The following S100A10 variants were observed in gnomAD, a reference collection of about 807,000 sequenced individuals.
S100A10 encodes the protein protein S100-A10.
S100A10 carries 3 observed loss-of-function variants against 7.1 expected under a neutral mutation model. The observed-to-expected ratio is 0.42, with a 90% confidence interval of 0.19 to 1.10. The LOEUF (loss-of-function observed/expected upper bound fraction) is 1.10, where lower values mean the gene tolerates loss of function less well. S100A10 is among the 50% of genes least tolerant of loss of function. S100A10 has a pLI of 0.29. For missense variants in S100A10, 101 were observed against 118.1 expected, an observed-to-expected ratio of 0.86 and a Z score of 0.67; for synonymous variants, 41 against 39.3, an observed-to-expected ratio of 1.04 and a Z score of -0.16.
chr1:151,986,355 A>C lies in S100A10; in HGVS notation c.-21-104T>G, dbSNP rs887096213. ...TTGAAAGATAAAATTGTATGTATTT[A>C]ATGTGTACAACATGATGTTTTCAGG... On this transcript the variant is annotated intron_variant, in intron 1 of 2. Coordinates refer to ENST00000368811, the MANE Select transcript of S100A10 (RefSeq NM_002966.3). 14 of 820,612 alleles carry C rather than the reference A, an allele frequency of 1.7e-5. No homozygotes were observed. The African/African-American group carries it at 2.0e-4, about 12-fold the overall frequency. 50.8% of individuals were successfully genotyped at this position (820,612 alleles called of 1,614,324 possible). A position where few individuals can be genotyped will look rare whatever the true frequency, so the allele number is the denominator to read the frequency against.
chr1:151,991,951 G>A (rs113467633), intron 1 of S100A10, among the ~76,000 whole-genome samples: 1 of 151,990 alleles, frequency 6.6e-6, no homozygotes, highest in African/African-American at 2.4e-5. Flanking sequence ...CAGAAAGCAG[G>A]GTAAGACCCA....
chr1:151,985,326 T>C (rs1454156394), intron 2 of S100A10: 1 of 152,208 alleles, frequency 6.6e-6, no homozygotes, highest in Non-Finnish European at 1.5e-5. Context: ...AACAGCCACC[T>C]CTCGAGAACC....
At chr1:151,985,031 A>G (rs1337237786) in intron 2 of S100A10, 2 of 152,548 alleles carry the variant, frequency 1.3e-5, no homozygotes, top group African/African-American at 4.8e-5. Flanking sequence ...ATATCTGTTT[A>G]TTTAACTGAT....
intron 1 of S100A10, among the ~76,000 whole-genome samples, chr1:151,987,122 C>T (rs549593255): frequency 2.1e-5 from 3 of 144,774 alleles, no homozygotes; most frequent in East Asian, 2.1e-4. Context: ...CTGCAACCTC[C>T]GCCTCCCAGG....
At position 151,993,465 on chromosome 1, in the gene S100A10, A is replaced by G. The variant is rs966736234; in HGVS notation, c.-22+287T>C. 5.9e-5 allele frequency among the ~76,000 whole-genome samples: 9 copies of G among 152,124 alleles called. No individual in the cohort carries two copies. The highest frequency in any genetic ancestry group is 1.9e-4 in the African/African-American group (8 of 41,428). On this transcript the variant is annotated intron_variant, in intron 1 of 2. Transcript: ENST00000368811. This position sits in a 1 kb window ranked among gnomAD's most constrained non-coding sequence, Gnocchi z 5.1. ...CAACGCAAACATAAAGGGAGGAGGGAAGAGGTTCAGGCGCACCAATACCAC... is the reference window on the plus strand; with the variant it reads ...CAACGCAAACATAAAGGGAGGAGGGGAGAGGTTCAGGCGCACCAATACCAC...
In S100A10 at chr1:151,986,120, CT is replaced by C; in HGVS notation, c.110del (p.Lys37ArgfsTer19). 6.3e-7 allele frequency: 1 copy of C among 1,598,124 alleles called. No individual in the cohort carries two copies. The highest frequency in any genetic ancestry group is 1.8e-5 in the Admixed American group (1 of 55,798). ...TKEDLRVLMEKEFPGFLENQK... is the reference protein window; with the variant it reads ...TKEDLRVLMEXEFPGFLENQK... ...TTACTTCCAAAAATCCAGGGAACTC[CT>C]TTTCCATGAGTACTCTCAGGTCCTC... On this transcript the variant is annotated frameshift_variant, in exon 2 of 3. Coordinates refer to ENST00000368811, the MANE Select transcript of S100A10 (RefSeq NM_002966.3). LOFTEE classifies it high-confidence loss of function.
At chr1:151,986,069 C>A in intron 2 of S100A10, 30 bp downstream of exon 2, 1 of 1,561,938 alleles carries the variant, frequency 6.4e-7, no homozygotes, top group East Asian at 2.4e-5. Flanking sequence ...ACTTTTATGT[C>A]TGGTTCTTTG....
chr1:151,989,107 G>C (rs1557773799), intron 1 of S100A10, among the ~76,000 whole-genome samples: 1 of 152,136 alleles, frequency 6.6e-6, no homozygotes, highest in Non-Finnish European at 1.5e-5. Flanking sequence ...ATTTTAAAAA[G>C]GCTAATTTTA....
At chr1:151,991,754 A>G (rs1655909392) in intron 1 of S100A10, among the ~76,000 whole-genome samples, 1 of 152,214 alleles carries the variant, frequency 6.6e-6, no homozygotes, top group Non-Finnish European at 1.5e-5. Context: ...GACTGTGTCC[A>G]AGGGTATACC....
chr1:151,983,391 T>C (rs1420187664), intron 2 of S100A10, 67 bp from the exon 3 acceptor site: 1 of 1,099,842 alleles, frequency 9.1e-7, no homozygotes, highest in African/African-American at 1.6e-5. Context: ...TTATTTGATT[T>C]GTACTGCTGA....
intron 2 of S100A10, chr1:151,985,414 A>T (rs893293625): frequency 1.3e-5 from 2 of 152,228 alleles, no homozygotes; most frequent in Admixed American, 1.3e-4. Flanking sequence ...GAGTCCTCTT[A>T]TAGGTCTTCA....
At chr1:151,989,812 T>C (rs1655868934) in intron 1 of S100A10, among the ~76,000 whole-genome samples, 1 of 152,226 alleles carries the variant, frequency 6.6e-6, no homozygotes, top group Admixed American at 6.5e-5. Context: ...GTAGCCACTC[T>C]GCAAGCTCTA....
chr1:151,991,010 C>T (rs989289433), intron 1 of S100A10, among the ~76,000 whole-genome samples: 3 of 152,078 alleles, frequency 2.0e-5, no homozygotes, highest in Middle Eastern at 3.2e-3. Context: ...GCCCAGATCC[C>T]GGCTGCAGTT....
At chr1:151,990,967 C>T (rs1655892694) in intron 1 of S100A10, among the ~76,000 whole-genome samples, 1 of 152,112 alleles carries the variant, frequency 6.6e-6, no homozygotes, top group African/African-American at 2.4e-5. Flanking sequence ...GTGTCTGCTC[C>T]TGAAAAATCT....
intron 2 of S100A10, among the ~76,000 whole-genome samples, chr1:151,985,621 G>C (rs1224557936): frequency 6.6e-6 from 1 of 152,182 alleles, no homozygotes; most frequent in Non-Finnish European, 1.5e-5. Context: ...AGGGAGATTC[G>C]AGTTGCTCAA....
intron 1 of S100A10, among the ~76,000 whole-genome samples, chr1:151,990,676 C>G (rs1210805704): frequency 6.6e-6 from 1 of 152,184 alleles, no homozygotes; most frequent in African/African-American, 2.4e-5. Flanking sequence ...TGAGGGTGTT[C>G]ACACACACAT....
At chr1:151,991,650 A>C (rs1273651111) in intron 1 of S100A10, among the ~76,000 whole-genome samples, 1 of 152,266 alleles carries the variant, frequency 6.6e-6, no homozygotes, top group Admixed American at 6.5e-5. Context: ...TTAAAATTTT[A>C]GTCCAGCTTT....
At chr1:151,987,538 CTTTTTT>C (rs11383937) in intron 1 of S100A10, among the ~76,000 whole-genome samples, 2 of 116,324 alleles carry the variant, frequency 1.7e-5, no homozygotes, top group African/African-American at 3.3e-5. Context: ...TATATGTATT[CTTTTTT>C]TTTTTTTTTT....
rs1197103886 is a variant in S100A10, at chr1:151,993,323, G to A, written c.-22+429C>T. On this transcript the variant is annotated intron_variant, in intron 1 of 2. Coordinates refer to ENST00000368811, the MANE Select transcript of S100A10 (RefSeq NM_002966.3). This position sits in a 1 kb window ranked among gnomAD's most constrained non-coding sequence, Gnocchi z 5.1. The stretch of plus-strand genomic sequence containing the variant: ...ACAGCCGGGAGCAGGCTACGAACAT[G>A]CAGACCCGGCCTGCGAGCGGAACCC... 5.3e-5 allele frequency among the ~76,000 whole-genome samples: 8 copies of A among 152,306 alleles called. No individual in the cohort carries two copies. Among genetic ancestry groups the A allele is most frequent in the Non-Finnish European group, 7.4e-5 (5 of 68,026 alleles).
Sources: allele counts gnomAD v4.1 joint callset (sites outside exome capture counted in the v4.1 genomes callset), GRCh38; gene constraint gnomAD v4.1.1; non-coding constraint Gnocchi (gnomAD v3.1); transcripts MANE v1.5; gene names NCBI Gene and HGNC (gene_info 2026-07-23, HGNC 2026-07-21).